SLC24A5: variants seen among roughly 807,000 people sequenced by gnomAD.
The protein encoded by SLC24A5 is sodium/potassium/calcium exchanger 5.
A neutral mutation model predicts 51.6 loss-of-function variants in SLC24A5; 46 were observed. That is an observed-to-expected ratio of 0.89 (90% CI 0.70 to 1.14). The LOEUF is 1.14. Among genes scored for constraint, SLC24A5 ranks in the 50% most tolerant of loss-of-function variants. SLC24A5 has a pLI of 0.00. For synonymous variants in SLC24A5, 230 were observed against 214.9 expected (o/e 1.07, Z -0.62); for missense variants, 581 against 604.1 (o/e 0.96, Z 0.40).
At chr15:48,135,551 G>C (rs900291327) in intron 5 of SLC24A5, 1 of 152,448 alleles carries the variant, frequency 6.6e-6, no homozygotes, top group South Asian at 2.1e-4. Flanking sequence ...GAAAAAGGTG[G>C]TGACTGAGTG....
At chr15:48,136,456 G>GT (rs1276576842) in intron 5 of SLC24A5, 30 of 366,650 alleles carry the variant, frequency 8.2e-5, no homozygotes, top group Non-Finnish European at 9.5e-5. Flanking sequence ...TGTTGATCTT[G>GT]TTTTTAAAAA....
chr15:48,127,198 G>A (rs987229341), intron 2 of SLC24A5, among the ~76,000 whole-genome samples: 5 of 152,154 alleles, frequency 3.3e-5, no homozygotes, highest in South Asian at 2.1e-4. Flanking sequence ...ACAAGTGCAC[G>A]AAGAAACACA....
intron 6 of SLC24A5, 156 bp downstream of exon 6, chr15:48,137,119 C>A: frequency 1.5e-6 from 1 of 689,296 alleles, no homozygotes; most frequent in Non-Finnish European, 2.3e-6. Flanking sequence ...AAGGAACTTC[C>A]AATATCACAG....
chr15:48,134,381 A>T, intron 3 of SLC24A5, 40 bp downstream of exon 3: 1 of 1,610,684 alleles, frequency 6.2e-7, no homozygotes, highest in East Asian at 2.2e-5. Flanking sequence ...ACTCAGTGTG[A>T]TTTTTATTTT....
At chr15:48,141,866 A>T (rs2039102016) in intron 8 of SLC24A5, 163 bp from the exon 9 acceptor site, 2 of 474,520 alleles carry the variant, frequency 4.2e-6, no homozygotes, top group Non-Finnish European at 7.3e-6. Flanking sequence ...TACTAACCCA[A>T]GAAAAATTTA....
chr15:48,136,321 A>T (rs1336117765), intron 5 of SLC24A5: 1 of 165,638 alleles, frequency 6.0e-6, no homozygotes, highest in Non-Finnish European at 1.3e-5. Flanking sequence ...TATGCCAATG[A>T]GCTGAGGCAG....
chr15:48,121,308 T>C lies in SLC24A5; in HGVS notation c.121+143T>C, dbSNP rs181871485. On this transcript the variant is annotated intron_variant, in intron 1 of 8. Coordinates refer to ENST00000341459, the MANE Select transcript of SLC24A5 (RefSeq NM_205850.3). ...CTGAATTTTAGCATTTAAAAAGATA[T>C]CAAACACTTTTGATCCTTCAAATAA... The C allele has an allele frequency of 1.1e-5, 10 of 901,198 alleles. 1 individual carries two copies. The East Asian group carries it at 2.8e-4, about 25-fold the overall frequency. The allele number at this position is 901,198 out of a possible 1,614,324, so 55.8% of individuals were successfully genotyped here.
chr15:48,141,004 C>T (rs2039061303), intron 7 of SLC24A5, 109 bp from the exon 8 acceptor site: 2 of 832,462 alleles, frequency 2.4e-6, no homozygotes, highest in Non-Finnish European at 3.8e-6. Context: ...GCTCTGAATT[C>T]TAAATGTGCC....
intron 6 of SLC24A5, chr15:48,137,765 G>A (rs1202279594): frequency 6.6e-6 from 1 of 151,996 alleles, no homozygotes; most frequent in Non-Finnish European, 1.5e-5. Flanking sequence ...ATTAAAACTG[G>A]GAACTCAGAA....
At chr15:48,130,458 C>T (rs1201274912) in intron 2 of SLC24A5, among the ~76,000 whole-genome samples, 3 of 152,044 alleles carry the variant, frequency 2.0e-5, no homozygotes, top group East Asian at 1.9e-4. Flanking sequence ...TAGGAACAAG[C>T]TTTATTCTTA....
At position 48,141,093 on chromosome 15, in the gene SLC24A5, G is replaced by T; in HGVS notation, c.1079-20G>T. ...AGTGAATCTTTAAGATTTGTAACTTGAAATATCTGTTTATTACAGGGGAAA... is the reference window on the plus strand; with the variant it reads ...AGTGAATCTTTAAGATTTGTAACTTTAAATATCTGTTTATTACAGGGGAAA... On this transcript the variant is annotated intron_variant, in intron 7 of 8. Transcript: ENST00000341459. 6.3e-7 allele frequency: 1 copy of T among 1,578,366 alleles called. No individual in the cohort carries two copies. Among genetic ancestry groups the T allele is most frequent in the South Asian group, 1.1e-5 (1 of 88,890 alleles).
At chr15:48,136,616 C>A in intron 5 of SLC24A5, 67 bp from the exon 6 acceptor site, 1 of 1,406,244 alleles carries the variant, frequency 7.1e-7, no homozygotes, top group Non-Finnish European at 9.7e-7. Flanking sequence ...ATAGATACTG[C>A]CCAAAAGCTA....
At chr15:48,137,719 G>A (rs1316943697) in intron 6 of SLC24A5, 1 of 152,022 alleles carries the variant, frequency 6.6e-6, no homozygotes, top group Non-Finnish European at 1.5e-5. Context: ...CACCTCCTAT[G>A]TTTTAATCTT....
intron 2 of SLC24A5, among the ~76,000 whole-genome samples, chr15:48,132,593 C>CG (rs938902227): frequency 2.0e-5 from 3 of 152,066 alleles, no homozygotes; most frequent in South Asian, 2.1e-4. Flanking sequence ...ATTACTTTCA[C>CG]GGTTTTGGGT....
intron 2 of SLC24A5, among the ~76,000 whole-genome samples, chr15:48,127,562 T>C (rs2038744191): frequency 4.2e-5 from 1 of 23,668 alleles, no homozygotes; most frequent in South Asian, 2.1e-3. Context: ...CTTACACCTG[T>C]AATCCCAGTG....
intron 7 of SLC24A5, chr15:48,139,715 A>G (rs2039004268): frequency 6.6e-6 from 1 of 152,238 alleles, no homozygotes; most frequent in Admixed American, 6.5e-5. Flanking sequence ...ATTAAGACTT[A>G]ACTAGCTACT....
At chr15:48,139,534 G>C (rs200053579) in intron 7 of SLC24A5, 1 of 151,998 alleles carries the variant, frequency 6.6e-6, no homozygotes, top group Non-Finnish European at 1.4e-5. Context: ...AAAAAAAAAA[G>C]AACAAAAAAA....
intron 8 of SLC24A5, 173 bp downstream of exon 8, chr15:48,141,387 A>C (rs1597275975): frequency 2.2e-6 from 1 of 450,624 alleles, no homozygotes; most frequent in African/African-American, 2.0e-5. Flanking sequence ...GACCAGCCTG[A>C]CCAACATGGT....
Position 48,134,593 on chromosome 15 carries a change from A to T in SLC24A5, c.489+55A>T, listed in dbSNP as rs1246679840. ...ATTGTCTTAAAAAATTCTAAAGATA[A>T]CTGTTCGTCGTCTGGGATGGACAAC... is the stretch of plus-strand genomic sequence containing the variant. On this transcript the variant is annotated intron_variant, in intron 4 of 8. Coordinates refer to ENST00000341459, the MANE Select transcript of SLC24A5 (RefSeq NM_205850.3). 4.9e-6 allele frequency: 7 copies of T among 1,418,822 alleles called. No homozygotes were observed. The East Asian group carries it at 1.6e-4, about 32-fold the overall frequency. The allele number at this position is 1,418,822 out of a possible 1,614,324, so 87.9% of individuals were successfully genotyped here.
Sources: allele counts gnomAD v4.1 joint callset (sites outside exome capture counted in the v4.1 genomes callset), GRCh38; gene constraint gnomAD v4.1.1; transcripts MANE v1.5; gene names NCBI Gene and HGNC (gene_info 2026-07-23, HGNC 2026-07-21).